GRID2: variants seen among roughly 807,000 people sequenced by gnomAD.
The protein encoded by GRID2 is glutamate receptor ionotropic, delta-2.
GRID2 carries 33 observed loss-of-function variants against 114.8 expected under a neutral mutation model. The ratio of observed to expected loss-of-function variants is 0.29; its 90% CI spans 0.22 to 0.38. The LOEUF (loss-of-function observed/expected upper bound fraction) is 0.38. GRID2 is among the 10% of genes least tolerant of loss of function. The pLI, the probability that GRID2 is intolerant of heterozygous loss-of-function variation, is 1.00. For missense variants in GRID2, 1,184 were observed against 1,257.7 expected (o/e 0.94, Z 0.89); for synonymous variants, 505 against 449.9 (o/e 1.12, Z -1.55).
chr4:92,432,961 T>A (rs1732538401), intron 1 of GRID2, among the ~76,000 whole-genome samples: 1 of 152,080 alleles, frequency 6.6e-6, no homozygotes, highest in Non-Finnish European at 1.5e-5. Context: ...ATTCAGCTGG[T>A]GATGAATCCT....
At chr4:92,899,416 G>C (rs1747403019) in intron 2 of GRID2, among the ~76,000 whole-genome samples, 1 of 152,060 alleles carries the variant, frequency 6.6e-6, no homozygotes, top group Non-Finnish European at 1.5e-5. Context: ...AGCATCCTAA[G>C]TCATTTTCAC....
At chr4:93,109,325 G>A (rs1560888324) in intron 3 of GRID2, among the ~76,000 whole-genome samples, 2 of 152,090 alleles carry the variant, frequency 1.3e-5, no homozygotes, top group Non-Finnish European at 2.9e-5. Flanking sequence ...TATATATGTT[G>A]TAAAGATTTT....
chr4:92,375,649 C>T (rs183051525), intron 1 of GRID2, among the ~76,000 whole-genome samples: 312 of 152,180 alleles, frequency 2.1e-3, no homozygotes, highest in African/African-American at 7.2e-3. Context: ...TTGTGCTCCT[C>T]ATTTAGCTAC....
chr4:93,755,654 A>G (rs1732681201), intron 14 of GRID2, among the ~76,000 whole-genome samples: 1 of 152,170 alleles, frequency 6.6e-6, no homozygotes, highest in Admixed American at 6.5e-5. Context: ...TTTTATATTA[A>G]CCTAAAAATA....
intron 4 of GRID2, among the ~76,000 whole-genome samples, chr4:93,129,217 T>C (rs1004579873): frequency 6.6e-6 from 1 of 152,212 alleles, no homozygotes; most frequent in Non-Finnish European, 1.5e-5. Context: ...ATCTACTTAA[T>C]TGCATTTTAA....
intron 4 of GRID2, among the ~76,000 whole-genome samples, chr4:93,163,364 A>G (rs911945471): frequency 7.8e-5 from 3 of 38,546 alleles, no homozygotes; most frequent in African/African-American, 4.3e-4. Context: ...GTGTATATAT[A>G]TATATATATA....
intron 1 of GRID2, among the ~76,000 whole-genome samples, chr4:92,535,473 T>C (rs1048472945): frequency 2.6e-5 from 4 of 152,190 alleles, no homozygotes; most frequent in Admixed American, 6.6e-5. Context: ...CTGTTAAATT[T>C]GGAATATATA....
At chr4:93,572,216 T>C (rs192629526) in intron 13 of GRID2, among the ~76,000 whole-genome samples, 3 of 152,234 alleles carry the variant, frequency 2.0e-5, no homozygotes, top group Admixed American at 1.3e-4. Context: ...GATACGTCTA[T>C]TTCATATAAA....
chr4:92,987,662 GTAAT>G (rs1008295799), intron 2 of GRID2, among the ~76,000 whole-genome samples: 1 of 151,832 alleles, frequency 6.6e-6, no homozygotes, highest in African/African-American at 2.4e-5. Context: ...GCTAGAAAAA[GTAAT>G]TATAGTTTTT....
At chr4:92,770,140 T>A (rs1305581843) in intron 2 of GRID2, among the ~76,000 whole-genome samples, 3 of 152,210 alleles carry the variant, frequency 2.0e-5, no homozygotes, top group Non-Finnish European at 2.9e-5. Context: ...ATAGCCTAAA[T>A]CATCTCTCTC....
intron 1 of GRID2, among the ~76,000 whole-genome samples, chr4:92,438,933 C>A (rs989604296): frequency 6.6e-6 from 1 of 152,156 alleles, no homozygotes; most frequent in African/African-American, 2.4e-5. Flanking sequence ...TGCCTTCTCT[C>A]CAACACTGGT....
chr4:92,808,053 G>A (rs1160260905), intron 2 of GRID2, among the ~76,000 whole-genome samples: 1 of 151,942 alleles, frequency 6.6e-6, no homozygotes, highest in Non-Finnish European at 1.5e-5. Flanking sequence ...AATCATAAGG[G>A]TTCTTGTAAG....
At chr4:92,759,666 G>A (rs761453056) in intron 2 of GRID2, among the ~76,000 whole-genome samples, 9 of 151,894 alleles carry the variant, frequency 5.9e-5, no homozygotes, top group Non-Finnish European at 1.3e-4. Flanking sequence ...GTGCAATGGC[G>A]TGATCTTGGC....
chr4:92,436,426 G>A (rs935233700), intron 1 of GRID2, among the ~76,000 whole-genome samples: 1 of 151,880 alleles, frequency 6.6e-6, no homozygotes, highest in Non-Finnish European at 1.5e-5. Context: ...GTTATTATAG[G>A]GCTAAAGATT....
chr4:93,181,317 A>G (rs937832589), intron 4 of GRID2, among the ~76,000 whole-genome samples: 4 of 152,200 alleles, frequency 2.6e-5, no homozygotes, highest in African/African-American at 7.2e-5. Flanking sequence ...TTAGTAAACC[A>G]TGCTGTAAAC....
intron 4 of GRID2, among the ~76,000 whole-genome samples, chr4:93,113,113 T>C (rs2089530056): frequency 6.6e-6 from 1 of 152,196 alleles, no homozygotes; most frequent in South Asian, 2.1e-4. Flanking sequence ...GAGAGTTCAA[T>C]TTGGATCCTG....
chr4:93,412,962 T>C lies in GRID2; in HGVS notation c.1348-9809T>C, dbSNP rs555246805. ...TATGGCTGCACAGTATTCCACGATGTGTAAGTGCCACATTTTCTTTATTCA... is the reference window on the plus strand; with the variant it reads ...TATGGCTGCACAGTATTCCACGATGCGTAAGTGCCACATTTTCTTTATTCA... On this transcript the variant is annotated intron_variant, in intron 9 of 15. Coordinates refer to ENST00000282020, the MANE Select transcript of GRID2 (RefSeq NM_001510.4). Among the ~76,000 whole-genome samples the C allele has an allele frequency of 5.4e-4, 83 of 152,332 alleles. 1 individual carries two copies. The highest frequency in any genetic ancestry group is 1.9e-3 in the African/African-American group (79 of 41,574).
chr4:93,207,591 GT>G, intron 5 of GRID2, 134 bp downstream of exon 5: 1 of 609,426 alleles, frequency 1.6e-6, no homozygotes, highest in African/African-American at 1.9e-5. Flanking sequence ...AGTGAATGCT[GT>G]TTAACAAAGA....
chr4:93,490,372 T>A (rs894864779), intron 11 of GRID2, among the ~76,000 whole-genome samples: 1 of 151,860 alleles, frequency 6.6e-6, no homozygotes, highest in African/African-American at 2.4e-5. Flanking sequence ...TAAAAGGTAA[T>A]TAATTATAGG....
Sources: allele counts gnomAD v4.1 joint callset (sites outside exome capture counted in the v4.1 genomes callset), GRCh38; gene constraint gnomAD v4.1.1; transcripts MANE v1.5; gene names NCBI Gene and HGNC (gene_info 2026-07-23, HGNC 2026-07-21).